Variants in SIM2 observed in about 807,000 individuals in gnomAD.
SIM2 encodes SIM bHLH transcription factor 2, also known as single-minded homolog 2.
A neutral mutation model predicts 64.8 loss-of-function variants in SIM2; 28 were observed. The ratio of observed to expected loss-of-function variants is 0.43; its 90% CI spans 0.32 to 0.59. The LOEUF is 0.59. Among genes scored for constraint, SIM2 ranks in the 20% least tolerant of loss-of-function variants. SIM2 has a pLI of 0.07. For missense variants in SIM2, 847 were observed against 871.4 expected, an observed-to-expected ratio of 0.97 and a Z score of 0.35; for synonymous variants, 408 against 391.1, an observed-to-expected ratio of 1.04 and a Z score of -0.51.
At chr21:36,737,804 T>C (rs1335055633) in intron 7 of SIM2, among the ~76,000 whole-genome samples, 1 of 149,950 alleles carries the variant, frequency 6.7e-6, no homozygotes, top group Non-Finnish European at 1.5e-5. Context: ...TACTAAACAA[T>C]ACAAAACTTA....
intron 4 of SIM2, 51 bp from the exon 5 acceptor site, chr21:36,722,993 TG>T: frequency 1.4e-6 from 2 of 1,409,012 alleles, no homozygotes; most frequent in Non-Finnish European, 2.0e-6. Flanking sequence ...GGAATAAGGA[TG>T]GGGGAAGCAC....
intron 8 of SIM2, 62 bp from the exon 9 acceptor site, chr21:36,743,325 C>A (rs2089187741): frequency 6.7e-7 from 1 of 1,491,412 alleles, no homozygotes; most frequent in Middle Eastern, 2.1e-4. Context: ...GGGCTGGGGC[C>A]AGGGAAGCTG....
chr21:36,718,296 C>A (rs1274119794), intron 3 of SIM2, among the ~76,000 whole-genome samples: 1 of 152,198 alleles, frequency 6.6e-6, no homozygotes, highest in Non-Finnish European at 1.5e-5. Flanking sequence ...GGCCTAGATG[C>A]TAATCTGGAA....
intron 7 of SIM2, among the ~76,000 whole-genome samples, chr21:36,735,412 A>G (rs758350239): frequency 2.0e-5 from 3 of 152,170 alleles, no homozygotes; most frequent in African/African-American, 7.2e-5. Flanking sequence ...CCTGTCTGTC[A>G]TCTTTCCCTT....
intron 8 of SIM2, 107 bp downstream of exon 8, chr21:36,741,971 A>C: frequency 2.7e-6 from 3 of 1,106,052 alleles, no homozygotes; most frequent in South Asian, 2.1e-5. Context: ...CAAACTGTTC[A>C]TTTGTCTTCT....
chr21:36,718,713 A>G (rs2123448191), intron 3 of SIM2, among the ~76,000 whole-genome samples: 1 of 152,138 alleles, frequency 6.6e-6, no homozygotes, highest in Middle Eastern at 3.4e-3. Flanking sequence ...GGGTTCACCG[A>G]CTCACTGTCC....
rs763155198 is a variant in SIM2, at chr21:36,731,126, C to T, written c.825C>T (p.Phe275=). ...LYHHVHGCDV[F]HLRYAHHLLL... is the part of the protein sequence containing the mutation. ...ATCACGTGCACGGCTGCGACGTGTT[C>T]CACCTCCGCTACGCACACCACCTCC... Residue 275 remains phenylalanine (F), a synonymous_variant, in exon 7 of 11, where the codon TTC becomes TTT. Transcript: ENST00000290399. The T allele has an allele frequency of 6.2e-6, 10 of 1,613,902 alleles. No individual in the cohort carries two copies. In the South Asian group the frequency reaches 1.1e-4, roughly 18 times the overall value.
chr21:36,711,501 A>G (rs2088676910), intron 2 of SIM2, among the ~76,000 whole-genome samples: 1 of 152,252 alleles, frequency 6.6e-6, no homozygotes, highest in Admixed American at 6.5e-5. Context: ...AGCAGAATCC[A>G]AGGATATCTT....
intron 5 of SIM2, among the ~76,000 whole-genome samples, chr21:36,724,220 T>C (rs535360928): frequency 6.6e-6 from 1 of 152,364 alleles, no homozygotes; most frequent in Admixed American, 6.5e-5. Context: ...TTGTCCCAGA[T>C]ACTAAGCCTC....
intron 7 of SIM2, among the ~76,000 whole-genome samples, chr21:36,738,754 T>C (rs2123492568): frequency 6.6e-6 from 1 of 152,332 alleles, no homozygotes; most frequent in African/African-American, 2.4e-5. Context: ...AGACACCATG[T>C]ATCTTTTCAT....
Position 36,749,897 on chromosome 21 carries a change from A to G in SIM2, c.*1805A>G, listed in dbSNP as rs2089315517. The G allele has an allele frequency of 6.6e-6, 1 of 152,236 alleles. No homozygotes were observed. The highest frequency in any genetic ancestry group is 1.5e-5 in the Non-Finnish European group (1 of 68,042). 9.4% of individuals were successfully genotyped at this position (152,236 alleles called of 1,614,324 possible). On this transcript the variant is annotated 3_prime_UTR_variant, in exon 11 of 11. Transcript: ENST00000290399. ...ACAAAGGTTACTGTTGAGAAAAAAG[A>G]CCCTATCATAGATTTACAAGTGACA...
chr21:36,704,975 AT>A (rs1344195259), intron 1 of SIM2, among the ~76,000 whole-genome samples: 2 of 152,184 alleles, frequency 1.3e-5, no homozygotes, highest in Admixed American at 6.5e-5. Flanking sequence ...AATTGCGACA[AT>A]TTACTGGGAT....
At chr21:36,739,983 G>C (rs141427054) in intron 7 of SIM2, among the ~76,000 whole-genome samples, 1,556 of 130,928 alleles carry the variant, frequency 0.012, 19 homozygotes, top group Middle Eastern at 0.049. Flanking sequence ...AAAAAAAAGA[G>C]AAAGAAGAGA....
At chr21:36,721,395 T>C (rs1488485237) in intron 4 of SIM2, among the ~76,000 whole-genome samples, 1 of 152,200 alleles carries the variant, frequency 6.6e-6, no homozygotes, top group Non-Finnish European at 1.5e-5. Flanking sequence ...TTGCAGAACA[T>C]AGTGCTGTTA....
intron 1 of SIM2, among the ~76,000 whole-genome samples, chr21:36,705,436 G>C (rs1049396573): frequency 6.6e-6 from 1 of 152,260 alleles, no homozygotes; most frequent in Non-Finnish European, 1.5e-5. Flanking sequence ...CCCCTGGGGC[G>C]GGTGGTAATT....
chr21:36,714,517 G>A (rs1187956340), intron 3 of SIM2, among the ~76,000 whole-genome samples: 2 of 152,166 alleles, frequency 1.3e-5, no homozygotes, highest in Admixed American at 1.3e-4. Flanking sequence ...ATCGTGGTGA[G>A]AAAGGGATCA....
intron 3 of SIM2, among the ~76,000 whole-genome samples, chr21:36,719,487 T>C (rs1365379325): frequency 6.6e-6 from 1 of 152,204 alleles, no homozygotes; most frequent in Non-Finnish European, 1.5e-5. Context: ...AGCCCTCTTC[T>C]GTATGAAGGA....
chr21:36,712,240 G>T (rs572693894), intron 2 of SIM2, among the ~76,000 whole-genome samples: 4 of 152,184 alleles, frequency 2.6e-5, no homozygotes, highest in Non-Finnish European at 4.4e-5. Context: ...AAGCTACTAC[G>T]TTTAACCTGA....
intron 2 of SIM2, among the ~76,000 whole-genome samples, chr21:36,710,899 A>G (rs1382122899): frequency 6.6e-6 from 1 of 152,148 alleles, no homozygotes; most frequent in East Asian, 1.9e-4. Flanking sequence ...GGTGTGTTGC[A>G]AGTTTCATAC....
Sources: gnomAD v4.1 joint callset for allele counts (sites outside exome capture counted in the v4.1 genomes callset) on GRCh38, gnomAD v4.1.1 for gene constraint, MANE v1.5 for transcripts, NCBI Gene and HGNC (gene_info 2026-07-23, HGNC 2026-07-21) for gene names.